The following CYP39A1 variants were observed in gnomAD, a reference collection of about 807,000 sequenced individuals.
The protein encoded by CYP39A1 is cytochrome P450 family 39 subfamily A member 1.
CYP39A1 carries 49 observed loss-of-function variants against 58.1 expected under a neutral mutation model. The ratio of observed to expected loss-of-function variants is 0.84; its 90% confidence interval spans 0.67 to 1.07. The LOEUF is 1.07. Among genes scored for constraint, CYP39A1 ranks in the 50% least tolerant of loss-of-function variants. The pLI, the probability that CYP39A1 is intolerant of heterozygous loss-of-function variation, is 0.00. For missense variants in CYP39A1, 531 were observed against 539.4 expected (o/e 0.98, Z 0.16); for synonymous variants, 209 against 187.6 (o/e 1.11, Z -0.93).
chr6:46,632,741 G>GA (rs1775737270), intron 5 of CYP39A1, among the ~76,000 whole-genome samples: 2 of 152,222 alleles, frequency 1.3e-5, no homozygotes, highest in South Asian at 4.1e-4. Context: ...CATATAGCTT[G>GA]AAGGTGGTTG....
chr6:46,615,343 T>C (rs540491362), intron 7 of CYP39A1, among the ~76,000 whole-genome samples: 73 of 152,106 alleles, frequency 4.8e-4, no homozygotes, highest in South Asian at 2.7e-3. Flanking sequence ...TATGCACATG[T>C]CTGTGTGTAT....
At chr6:46,648,521 G>A (rs1762471565) in intron 1 of CYP39A1, among the ~76,000 whole-genome samples, 1 of 104,910 alleles carries the variant, frequency 9.5e-6, no homozygotes, top group African/African-American at 3.6e-5. Flanking sequence ...GTTGGGTGGG[G>A]GGAGGGGGGA....
Position 46,652,405 on chromosome 6 carries a change from C to G in CYP39A1, c.177+1G>C. On this transcript the variant is annotated splice_donor_variant, in intron 1 of 11. Coordinates refer to ENST00000275016, the MANE Select transcript of CYP39A1 (RefSeq NM_016593.5). LOFTEE classifies it high-confidence loss of function. ...AGACCCCGTCTGCCACGACCACATACCTTGATTCTTGCTTTCTCTATAAAT... is the reference window on the plus strand; with the variant it reads ...AGACCCCGTCTGCCACGACCACATAGCTTGATTCTTGCTTTCTCTATAAAT... 1 of 1,610,532 alleles carries G rather than the reference C, an allele frequency of 6.2e-7. No individual in the cohort carries two copies. The highest frequency in any genetic ancestry group is 8.5e-7 in the Non-Finnish European group (1 of 1,178,592).
chr6:46,652,787 T>A lies in CYP39A1; in HGVS notation c.-205A>T. 1 of 505,430 alleles carries A rather than the reference T, an allele frequency of 2.0e-6. No homozygotes were observed. Among genetic ancestry groups the A allele is most frequent in the Non-Finnish European group, 3.4e-6 (1 of 292,988 alleles). 31.3% of individuals were successfully genotyped at this position (505,430 alleles called of 1,614,324 possible). ...TGTCGCTCCCTCCCACCTCCACTTC[T>A]CTTTGAATCTCAGCCAGCGCGGAAA... On this transcript the variant is annotated 5_prime_UTR_variant, in exon 1 of 12. Transcript: ENST00000275016.
At chr6:46,588,731 T>C (rs947323220) in intron 8 of CYP39A1, among the ~76,000 whole-genome samples, 4 of 152,082 alleles carry the variant, frequency 2.6e-5, no homozygotes, top group Admixed American at 2.6e-4. Context: ...AAACGACTGG[T>C]TAGGAAGACA....
intron 10 of CYP39A1, among the ~76,000 whole-genome samples, chr6:46,560,127 G>T (rs892880839): frequency 6.6e-6 from 1 of 152,114 alleles, no homozygotes; most frequent in African/African-American, 2.4e-5. Flanking sequence ...AGCCATAAAA[G>T]GTGCAAAAAT....
chr6:46,609,830 TTTG>T (rs1346105606), intron 7 of CYP39A1, among the ~76,000 whole-genome samples: 2 of 152,234 alleles, frequency 1.3e-5, no homozygotes, highest in African/African-American at 4.8e-5. Context: ...ACTATTTGGG[TTTG>T]TTGTTTCTTA....
chr6:46,627,110 T>C (rs1435104879), intron 6 of CYP39A1, among the ~76,000 whole-genome samples: 2 of 152,024 alleles, frequency 1.3e-5, no homozygotes, highest in Non-Finnish European at 1.5e-5. Context: ...GCCAAACACT[T>C]TTAAAGCATC....
intron 7 of CYP39A1, among the ~76,000 whole-genome samples, chr6:46,616,139 T>C (rs1774537746): frequency 6.4e-3 from 1 of 156 alleles, no homozygotes; most frequent in Non-Finnish European, 0.022. Flanking sequence ...TTTCTTTCTT[T>C]CTTTCTTTCT....
chr6:46,595,986 C>T lies in CYP39A1; in HGVS notation c.1065+1G>A, dbSNP rs1414271978. 3 of 1,606,794 alleles carry T rather than the reference C, an allele frequency of 1.9e-6. No individual in the cohort carries two copies. Among genetic ancestry groups the T allele is most frequent in the Non-Finnish European group, 2.5e-6 (3 of 1,177,472 alleles). On this transcript the variant is annotated splice_donor_variant, in intron 8 of 11. Coordinates refer to ENST00000275016, the MANE Select transcript of CYP39A1 (RefSeq NM_016593.5). LOFTEE classifies it high-confidence loss of function. Reference sequence around the variant, plus strand: ...TCATTTAAAACCAAACCAAAGCTTACCAAAATTTCCACAGGCTTCACCACT... The same window carrying T: ...TCATTTAAAACCAAACCAAAGCTTATCAAAATTTCCACAGGCTTCACCACT...
chr6:46,627,390 A>G (rs1262820016), intron 6 of CYP39A1, among the ~76,000 whole-genome samples: 1 of 151,228 alleles, frequency 6.6e-6, no homozygotes, highest in Non-Finnish European at 1.5e-5. Context: ...CAATTTAGCT[A>G]AACTACAAAT....
At chr6:46,577,983 CAT>C (rs1284938427) in intron 10 of CYP39A1, among the ~76,000 whole-genome samples, 1 of 152,100 alleles carries the variant, frequency 6.6e-6, no homozygotes, top group African/African-American at 2.4e-5. Context: ...ACATTATCCT[CAT>C]ATGCACATGG....
chr6:46,572,597 T>C lies in CYP39A1; in HGVS notation c.1250+14480A>G, dbSNP rs1582313213. Among the ~76,000 whole-genome samples the C allele has an allele frequency of 2.0e-5, 3 of 152,324 alleles. No individual in the cohort carries two copies. The South Asian group carries it at 6.2e-4, about 32-fold the overall frequency. ...TTTCTCTTGCTGCTTTTAAATTTCT[T>C]TGTCTTTGACTTTTGGCAATTTGAT... On this transcript the variant is annotated intron_variant, in intron 10 of 11. Coordinates refer to ENST00000275016, the MANE Select transcript of CYP39A1 (RefSeq NM_016593.5).
At chr6:46,646,041 T>C (rs1384459926) in intron 1 of CYP39A1, among the ~76,000 whole-genome samples, 1 of 152,130 alleles carries the variant, frequency 6.6e-6, no homozygotes, top group Non-Finnish European at 1.5e-5. Context: ...ATTTTCTACA[T>C]AGACAATCAT....
chr6:46,649,030 A>G (rs1762508867), intron 1 of CYP39A1, among the ~76,000 whole-genome samples: 1 of 152,240 alleles, frequency 6.6e-6, no homozygotes, highest in Non-Finnish European at 1.5e-5. Context: ...TCAATTATAA[A>G]GTACAAAGTA....
intron 11 of CYP39A1, among the ~76,000 whole-genome samples, chr6:46,551,995 T>G (rs1245423737): frequency 6.6e-6 from 1 of 152,228 alleles, no homozygotes; most frequent in Non-Finnish European, 1.5e-5. Flanking sequence ...TAAAAAGTGT[T>G]CTCAGTGGTG....
chr6:46,602,455 T>C (rs1342746326), intron 7 of CYP39A1, among the ~76,000 whole-genome samples: 1 of 150,686 alleles, frequency 6.6e-6, no homozygotes, highest in Non-Finnish European at 1.5e-5. Flanking sequence ...GGCCCAAGAG[T>C]TTGCATTTCT....
chr6:46,564,135 AT>A (rs1771143925), intron 10 of CYP39A1, among the ~76,000 whole-genome samples: 1 of 120,150 alleles, frequency 8.3e-6, no homozygotes, highest in Admixed American at 8.0e-5. Context: ...ATTCTATTTT[AT>A]TCTATTCTAT....
rs1385175858 is a variant in CYP39A1, at chr6:46,641,724, A to T, written c.313+439T>A. Among the ~76,000 whole-genome samples the T allele has an allele frequency of 2.0e-5, 3 of 152,164 alleles. No individual in the cohort carries two copies. The East Asian group carries it at 5.8e-4, about 29-fold the overall frequency. ...CTCCCATTGACCATAACAGCCCTAT[A>T]AAATTTGTCAGGAAATGCCACTGTA... On this transcript the variant is annotated intron_variant, in intron 2 of 11. Transcript: ENST00000275016.
Sources: gnomAD v4.1 joint callset for allele counts (sites outside exome capture counted in the v4.1 genomes callset) on GRCh38, gnomAD v4.1.1 for gene constraint, MANE v1.5 for transcripts, NCBI Gene and HGNC (gene_info 2026-07-23, HGNC 2026-07-21) for gene names.